Variants in NFATC2 observed in about 807,000 individuals in gnomAD.
NFATC2 encodes the protein nuclear factor of activated T-cells, cytoplasmic 2.
NFATC2 carries 22 observed loss-of-function variants against 87.3 expected under a neutral mutation model. That is an observed-to-expected ratio of 0.25 (90% CI 0.18 to 0.36). NFATC2 has a LOEUF of 0.36. Among genes scored for constraint, NFATC2 ranks in the 10% least tolerant of loss-of-function variants. The pLI, the probability that NFATC2 is intolerant of heterozygous loss-of-function variation, is 1.00. For missense variants in NFATC2, 1,149 were observed against 1,259.1 expected, an observed-to-expected ratio of 0.91 and a Z score of 1.32; for synonymous variants, 565 against 542.2, an observed-to-expected ratio of 1.04 and a Z score of -0.58.
At chr20:51,535,729 C>T (rs899236036) in intron 1 of NFATC2, among the ~76,000 whole-genome samples, 22 of 152,238 alleles carry the variant, frequency 1.4e-4, no homozygotes, top group Non-Finnish European at 1.8e-4. Flanking sequence ...CTTTAGCAGG[C>T]ATTTCAGACT....
chr20:51,472,402 C>G (rs1568660526), intron 5 of NFATC2, among the ~76,000 whole-genome samples: 1 of 152,072 alleles, frequency 6.6e-6, no homozygotes, highest in Non-Finnish European at 1.5e-5. Flanking sequence ...GCCACCCAAC[C>G]TACCCCATTC....
chr20:51,517,519 G>T (rs571376698), intron 2 of NFATC2, among the ~76,000 whole-genome samples: 2 of 151,992 alleles, frequency 1.3e-5, no homozygotes, highest in African/African-American at 4.8e-5. Flanking sequence ...CTGAGCCCAG[G>T]AGGTCAAGGT....
intron 5 of NFATC2, among the ~76,000 whole-genome samples, chr20:51,465,846 G>C (rs983417087): frequency 4.6e-5 from 7 of 152,028 alleles, no homozygotes; most frequent in Non-Finnish European, 1.0e-4. Flanking sequence ...TGTGAGGGCA[G>C]GGACTTTGTT....
At chr20:51,534,672 A>C (rs1277093925) in intron 1 of NFATC2, among the ~76,000 whole-genome samples, 1 of 152,196 alleles carries the variant, frequency 6.6e-6, no homozygotes, top group Non-Finnish European at 1.5e-5. Flanking sequence ...ACATGAAGTA[A>C]AATGCACAAA....
chr20:51,491,816 C>T (rs948792398), intron 3 of NFATC2, among the ~76,000 whole-genome samples: 4 of 151,382 alleles, frequency 2.6e-5, no homozygotes, highest in Non-Finnish European at 5.9e-5. Flanking sequence ...TCTCTTCTCC[C>T]ATTGATTTTC....
chr20:51,513,281 C>G (rs188969552), intron 3 of NFATC2, among the ~76,000 whole-genome samples: 4 of 151,990 alleles, frequency 2.6e-5, no homozygotes, highest in African/African-American at 4.8e-5. Flanking sequence ...AGTTCAAGAC[C>G]AGCCTAAGCA....
At position 51,523,711 on chromosome 20, in the gene NFATC2, C is replaced by A. The variant is rs766593505; in HGVS notation, c.530G>T (p.Ser177Ile). ...GGGGGAGAAGGTGTCAGAAATGAAG[C>A]TGGCAGAGGAGCCGCTGCTAGCGGG... ...LSPASSGSSA[S>I]FISDTFSPYT... Residue 177 changes from serine (S) to isoleucine (I), a missense_variant, in exon 2 of 11, where the codon AGC becomes ATC. By Grantham distance (142) the Ser-to-Ile change is moderately radical. This residue lies in a region of NFATC2 where 563 missense variants were observed against 585.2 expected (regional missense o/e 0.96). Transcript: ENST00000371564. This position sits in a 1 kb window ranked among gnomAD's most constrained non-coding sequence, Gnocchi z 6.9. 1 of 1,612,100 alleles carries A rather than the reference C, an allele frequency of 6.2e-7. No homozygotes were observed. Among genetic ancestry groups the A allele is most frequent in the Admixed American group, 1.7e-5 (1 of 59,564 alleles).
chr20:51,540,650 T>TG (rs1555818267), intron 1 of NFATC2, among the ~76,000 whole-genome samples: 4 of 128,066 alleles, frequency 3.1e-5, no homozygotes, highest in South Asian at 2.4e-4. Context: ...AACTGAAGTT[T>TG]TTTTTTTGTT....
intron 3 of NFATC2, among the ~76,000 whole-genome samples, chr20:51,481,266 A>G (rs1989229278): frequency 6.6e-6 from 1 of 152,128 alleles, no homozygotes; most frequent in Non-Finnish European, 1.5e-5. Flanking sequence ...TTTTGAGATG[A>G]CATGATCTAC....
At chr20:51,497,975 A>T (rs1038127646) in intron 3 of NFATC2, among the ~76,000 whole-genome samples, 1 of 152,246 alleles carries the variant, frequency 6.6e-6, no homozygotes, top group Non-Finnish European at 1.5e-5. Context: ...TGATTAAAAA[A>T]GGAAAGTGAA....
intron 10 of NFATC2, among the ~76,000 whole-genome samples, chr20:51,397,316 G>A (rs979304604): frequency 6.6e-6 from 1 of 152,218 alleles, no homozygotes; most frequent in African/African-American, 2.4e-5. Context: ...CCGTACTTGA[G>A]TGAGGCTCAG....
At chr20:51,453,951 T>A (rs1026972866) in intron 6 of NFATC2, among the ~76,000 whole-genome samples, 1 of 152,228 alleles carries the variant, frequency 6.6e-6, no homozygotes, top group African/African-American at 2.4e-5. Context: ...ATGTACAAGA[T>A]TAATTAATCC....
chr20:51,461,147 T>C (rs1035760038), intron 5 of NFATC2, among the ~76,000 whole-genome samples: 1 of 152,138 alleles, frequency 6.6e-6, no homozygotes, highest in African/African-American at 2.4e-5. Context: ...TGAGCTCTAC[T>C]TCTCTATTGC....
In NFATC2 at chr20:51,432,076, A is replaced by G. The variant is rs1568966588; in HGVS notation, c.2713T>C (p.Leu905=). The change falls in exon 9 of 11, where the codon TTG becomes CTG. Residue 905 remains leucine, a synonymous_variant. Coordinates refer to ENST00000371564, the MANE Select transcript of NFATC2 (RefSeq NM_012340.5). The surrounding 1 kb of genome is among the most constrained non-coding windows in gnomAD (Gnocchi z 4.6). ...KQEQNLDQTY[L]DDELIDTHLS... ...AACTCAAGCGTCTTACCATCATCCA[A>G]GTAGGTCTGGTCCAAGTTCTGCTCC... 8 of 1,524,324 alleles carry G rather than the reference A, an allele frequency of 5.2e-6. No individual in the cohort carries two copies. The South Asian group carries it at 1.0e-4, about 20-fold the overall frequency. The allele number at this position is 1,524,324 out of a possible 1,614,324, so 94.4% of individuals were successfully genotyped here. A position where few individuals can be genotyped will look rare whatever the true frequency, so the allele number is the denominator to read the frequency against.
At chr20:51,436,055 G>A (rs1247691045) in intron 6 of NFATC2, among the ~76,000 whole-genome samples, 2 of 152,098 alleles carry the variant, frequency 1.3e-5, no homozygotes, top group African/African-American at 2.4e-5. Context: ...GCTAAGCATG[G>A]GGTATACACG....
At chr20:51,517,955 C>T (rs532373318) in intron 2 of NFATC2, among the ~76,000 whole-genome samples, 9 of 151,582 alleles carry the variant, frequency 5.9e-5, no homozygotes, top group African/African-American at 1.9e-4. Context: ...TATAATCTTA[C>T]GGGACCACCC....
In NFATC2 at chr20:51,480,694, G is replaced by C. The variant is rs778918845; in HGVS notation, c.1333-5034C>G. Among the ~76,000 whole-genome samples the C allele has an allele frequency of 1.3e-5, 2 of 152,144 alleles. No homozygotes were observed. The highest frequency in any genetic ancestry group is 2.9e-5 in the Non-Finnish European group (2 of 68,030). On this transcript the variant is annotated intron_variant, in intron 3 of 10. Coordinates refer to ENST00000371564, the MANE Select transcript of NFATC2 (RefSeq NM_012340.5). This position sits in a 1 kb window ranked among gnomAD's most constrained non-coding sequence, Gnocchi z 4.2. ...GACTGTGAGCAATCGCTCCACCCCTGAGTTTCCATATGCTCAGATAAAAAG... is the reference window on the plus strand; with the variant it reads ...GACTGTGAGCAATCGCTCCACCCCTCAGTTTCCATATGCTCAGATAAAAAG...
intron 9 of NFATC2, among the ~76,000 whole-genome samples, chr20:51,406,681 C>G (rs1346778204): frequency 6.6e-6 from 1 of 152,210 alleles, no homozygotes; most frequent in Non-Finnish European, 1.5e-5. Context: ...CCTCACAGAG[C>G]CCAGGCCTTC....
intron 1 of NFATC2, among the ~76,000 whole-genome samples, chr20:51,560,471 C>T (rs751635514): frequency 2.0e-5 from 3 of 152,224 alleles, no homozygotes; most frequent in East Asian, 1.9e-4. Context: ...GGGCCAATGC[C>T]GCTTTCTGTG....
Sources: allele counts gnomAD v4.1 joint callset (sites outside exome capture counted in the v4.1 genomes callset), GRCh38; gene constraint gnomAD v4.1.1; regional missense constraint gnomAD v4.1.1; non-coding constraint Gnocchi (gnomAD v3.1); transcripts MANE v1.5; gene names NCBI Gene and HGNC (gene_info 2026-07-23, HGNC 2026-07-21).